The following PRKG1 variants were observed in gnomAD, a reference collection of about 807,000 sequenced individuals.
PRKG1 encodes the protein protein kinase cGMP-dependent 1.
PRKG1 carries 35 observed loss-of-function variants against 88.1 expected under a neutral mutation model. The observed-to-expected ratio is 0.40, with a 90% CI of 0.30 to 0.53. PRKG1 has a LOEUF of 0.53. Ranked by LOEUF, PRKG1 falls within the 20% of genes least tolerant of loss-of-function variation. The pLI, the probability that PRKG1 is intolerant of heterozygous loss-of-function variation, is 0.59. For synonymous variants in PRKG1, 303 were observed against 292.5 expected, an observed-to-expected ratio of 1.04 and a Z score of -0.37; for missense variants, 540 against 839.8, an observed-to-expected ratio of 0.64 and a Z score of 4.41.
chr10:51,889,634 C>T (rs1254564236), intron 4 of PRKG1, among the ~76,000 whole-genome samples: 1 of 152,320 alleles, frequency 6.6e-6, no homozygotes, highest in South Asian at 2.1e-4. Flanking sequence ...AATCGCCACA[C>T]TCTCTTCCAC....
intron 3 of PRKG1, among the ~76,000 whole-genome samples, chr10:51,709,761 T>C (rs1008288073): frequency 1.3e-5 from 2 of 152,292 alleles, no homozygotes; most frequent in Non-Finnish European, 2.9e-5. Context: ...TAGTTGCAGG[T>C]CTTCATTCTT....
chr10:51,156,297 G>GCACACACACACTCACACACACACA, intron 2 of PRKG1, among the ~76,000 whole-genome samples: 1 of 35,138 alleles, frequency 2.8e-5, no homozygotes, highest in African/African-American at 2.3e-4. Flanking sequence ...TTTGATGCAA[G>GCACACACACACTCACACACACACA]CACACACACA....
intron 7 of PRKG1, among the ~76,000 whole-genome samples, chr10:52,122,909 A>G (rs1443411504): frequency 6.6e-6 from 1 of 152,240 alleles, no homozygotes; most frequent in East Asian, 1.9e-4. Flanking sequence ...GTCGATTCTC[A>G]GTTCCACTGA....
intron 5 of PRKG1, among the ~76,000 whole-genome samples, chr10:51,952,076 A>G (rs12255275): frequency 0.24 from 37,063 of 152,062 alleles, 6,774 homozygotes; most frequent in African/African-American, 0.51. Context: ...AAACTGGCCT[A>G]CAAAGCCTAA....
chr10:51,957,481 C>A (rs1843343305), intron 5 of PRKG1, among the ~76,000 whole-genome samples: 1 of 151,800 alleles, frequency 6.6e-6, no homozygotes, highest in African/African-American at 2.4e-5. Context: ...TCTGTAGAGA[C>A]AGGTTCTCTC....
At chr10:51,691,426 A>G (rs1341922624) in intron 3 of PRKG1, among the ~76,000 whole-genome samples, 1 of 151,642 alleles carries the variant, frequency 6.6e-6, no homozygotes, top group African/African-American at 2.4e-5. Context: ...TCCCACTTCA[A>G]CGTCCTAAGT....
In PRKG1 at chr10:52,146,291, G is replaced by C. The variant is rs78717748; in HGVS notation, c.1001+12386G>C. On this transcript the variant is annotated intron_variant, in intron 8 of 17. Transcript: ENST00000373980. The stretch of plus-strand genomic sequence containing the variant: ...TAAATATAACCCTACCATTCAAAGG[G>C]AATTACTGTTGATAATTTCGTGTCC... Among the ~76,000 whole-genome samples the C allele has an allele frequency of 8.6e-3, 1,311 of 152,182 alleles. 13 individuals carry two copies. Among genetic ancestry groups the C allele is most frequent in the African/African-American group, 0.029 (1,223 of 41,532 alleles).
chr10:51,034,668 T>TTTTTTATA (rs9299454), intron 1 of PRKG1, among the ~76,000 whole-genome samples: 46 of 68,186 alleles, frequency 6.7e-4, no homozygotes, highest in African/African-American at 2.1e-3. Context: ...AATATGTTAT[T>TTTTTTATA]TATATATATA....
chr10:51,701,004 G>C (rs1841451126), intron 3 of PRKG1, among the ~76,000 whole-genome samples: 2 of 152,010 alleles, frequency 1.3e-5, no homozygotes, highest in Admixed American at 6.6e-5. Context: ...ATACATGAAA[G>C]ATTTTAATGA....
chr10:51,593,018 G>C (rs10823253), intron 3 of PRKG1, among the ~76,000 whole-genome samples: 53,221 of 152,060 alleles, frequency 0.35, 10,186 homozygotes, highest in Non-Finnish European at 0.44. Flanking sequence ...TTAAAAGACA[G>C]GTTTTGATAT....
intron 3 of PRKG1, among the ~76,000 whole-genome samples, chr10:51,801,415 C>G (rs910516931): frequency 6.6e-6 from 1 of 152,090 alleles, no homozygotes; most frequent in African/African-American, 2.4e-5. Context: ...TGTACAAAAA[C>G]AGACCATGGG....
intron 7 of PRKG1, among the ~76,000 whole-genome samples, chr10:52,066,429 C>T (rs1564454240): frequency 6.6e-6 from 1 of 152,116 alleles, no homozygotes; most frequent in Non-Finnish European, 1.5e-5. Context: ...TTATCAAATA[C>T]CCACATATTT....
At chr10:51,112,405 C>A (rs1554837180) in intron 1 of PRKG1, among the ~76,000 whole-genome samples, 3 of 151,584 alleles carry the variant, frequency 2.0e-5, no homozygotes, top group African/African-American at 7.3e-5. Context: ...CAAAGGAGAC[C>A]AAAAAAACCC....
chr10:51,214,011 C>A (rs1444799653), intron 2 of PRKG1, among the ~76,000 whole-genome samples: 5 of 152,120 alleles, frequency 3.3e-5, no homozygotes, highest in Non-Finnish European at 7.4e-5. Context: ...AACATATTTA[C>A]ATATTTTCCA....
chr10:51,855,286 A>G (rs1313393725), intron 4 of PRKG1, among the ~76,000 whole-genome samples: 1 of 152,126 alleles, frequency 6.6e-6, no homozygotes, highest in Non-Finnish European at 1.5e-5. Context: ...TGTTTCTGAG[A>G]TAGTGTGTTT....
chr10:52,092,820 TA>T (rs1847086997), intron 7 of PRKG1, among the ~76,000 whole-genome samples: 1 of 152,168 alleles, frequency 6.6e-6, no homozygotes, highest in African/African-American at 2.4e-5. Context: ...GAACTCAAGA[TA>T]AAAGCAGAAT....
intron 12 of PRKG1, among the ~76,000 whole-genome samples, chr10:52,273,332 G>A (rs1020699190): frequency 6.6e-6 from 1 of 151,650 alleles, no homozygotes; most frequent in African/African-American, 2.4e-5. Flanking sequence ...AGTCATCTTT[G>A]TTCTTTTGAA....
At chr10:51,161,438 A>T (rs994167731) in intron 2 of PRKG1, among the ~76,000 whole-genome samples, 1 of 152,158 alleles carries the variant, frequency 6.6e-6, no homozygotes, top group African/African-American at 2.4e-5. Flanking sequence ...GCCTTATCTC[A>T]TTGTGGTTCT....
intron 8 of PRKG1, among the ~76,000 whole-genome samples, chr10:52,156,628 G>A (rs1838110300): frequency 6.6e-6 from 1 of 151,670 alleles, no homozygotes; most frequent in Non-Finnish European, 1.5e-5. Flanking sequence ...ATATTCACAT[G>A]ATAGTTGATA....
Sources: gnomAD v4.1 joint callset for allele counts (sites outside exome capture counted in the v4.1 genomes callset) on GRCh38, gnomAD v4.1.1 for gene constraint, MANE v1.5 for transcripts, NCBI Gene and HGNC (gene_info 2026-07-23, HGNC 2026-07-21) for gene names.